The following RNF180 variants were observed in gnomAD, a reference collection of about 807,000 sequenced individuals.
RNF180 encodes E3 ubiquitin-protein ligase RNF180.
RNF180 carries 38 observed loss-of-function variants against 59.2 expected under a neutral mutation model. That is an observed-to-expected ratio of 0.64 (90% confidence interval 0.50 to 0.84). RNF180 has a LOEUF of 0.84. Among genes scored for constraint, RNF180 ranks in the 40% least tolerant of loss-of-function variants. The pLI is 0.00. For missense variants in RNF180, 705 were observed against 700.9 expected (o/e 1.01, Z -0.07); for synonymous variants, 262 against 240.3 (o/e 1.09, Z -0.84).
At chr5:64,339,945 T>C (rs1745293862) in intron 7 of RNF180, among the ~76,000 whole-genome samples, 1 of 152,172 alleles carries the variant, frequency 6.6e-6, no homozygotes, top group Non-Finnish European at 1.5e-5. Context: ...TCTAGATAAA[T>C]GTGAGCTATC....
chr5:64,304,680 G>C (rs1459404292), intron 5 of RNF180, among the ~76,000 whole-genome samples: 1 of 151,664 alleles, frequency 6.6e-6, no homozygotes, highest in African/African-American at 2.4e-5. Flanking sequence ...GTGGTGTCTT[G>C]AGATGGAATC....
intron 5 of RNF180, among the ~76,000 whole-genome samples, chr5:64,270,751 C>G (rs1008356510): frequency 6.6e-6 from 1 of 152,036 alleles, no homozygotes; most frequent in East Asian, 1.9e-4. Context: ...AGCTATTTGA[C>G]TATTTTGCTT....
chr5:64,363,034 C>CTGTA (rs1746318387), intron 7 of RNF180, among the ~76,000 whole-genome samples: 1 of 151,208 alleles, frequency 6.6e-6, no homozygotes, highest in Non-Finnish European at 1.5e-5. Context: ...GGTTGTCATT[C>CTGTA]TGTAGGTTGT....
chr5:64,296,564 G>A (rs888013252), intron 5 of RNF180, among the ~76,000 whole-genome samples: 5 of 151,962 alleles, frequency 3.3e-5, no homozygotes, highest in Admixed American at 2.0e-4. Context: ...TTTCTAGGGA[G>A]AGGATCTATA....
At chr5:64,259,920 TCAA>T (rs1057153674) in intron 5 of RNF180, among the ~76,000 whole-genome samples, 22 of 152,020 alleles carry the variant, frequency 1.4e-4, no homozygotes, top group African/African-American at 3.4e-4. Flanking sequence ...AAACTCCGTC[TCAA>T]CAACAACAAC....
intron 5 of RNF180, among the ~76,000 whole-genome samples, chr5:64,227,035 G>A (rs922326828): frequency 5.9e-5 from 9 of 152,182 alleles, no homozygotes; most frequent in Non-Finnish European, 5.9e-5. Flanking sequence ...TGAGACTGAC[G>A]AGACTTCACA....
chr5:64,221,156 A>G (rs1166535019), intron 5 of RNF180, among the ~76,000 whole-genome samples: 3 of 152,030 alleles, frequency 2.0e-5, no homozygotes, highest in African/African-American at 7.2e-5. Flanking sequence ...CACTCCAAAT[A>G]TATATTTGAT....
chr5:64,242,917 A>G (rs1238582930), intron 5 of RNF180, among the ~76,000 whole-genome samples: 1 of 152,156 alleles, frequency 6.6e-6, no homozygotes, highest in Non-Finnish European at 1.5e-5. Flanking sequence ...CTGGTTAGAG[A>G]GTGGGTGCAG....
chr5:64,370,013 C>A lies in RNF180; in HGVS notation c.*199C>A. ...TAAACTTTATTCAAGAGCTAACCTA[C>A]CCAGCACTTAGCAACAATGCACTAT... On this transcript the variant is annotated 3_prime_UTR_variant, in exon 8 of 8. Coordinates refer to ENST00000389100, the MANE Select transcript of RNF180 (RefSeq NM_001113561.2). 2.6e-6 allele frequency: 1 copy of A among 390,306 alleles called. No homozygotes were observed. The highest frequency in any genetic ancestry group is 4.5e-6 in the Non-Finnish European group (1 of 220,090). The allele number at this position is 390,306 out of a possible 1,614,324, so 24.2% of individuals were successfully genotyped here.
At chr5:64,285,989 G>A (rs554924884) in intron 5 of RNF180, among the ~76,000 whole-genome samples, 13 of 152,152 alleles carry the variant, frequency 8.5e-5, no homozygotes, top group South Asian at 4.2e-4. Context: ...CATAGCAAGC[G>A]TGGGCCACTC....
intron 5 of RNF180, among the ~76,000 whole-genome samples, chr5:64,277,389 T>G (rs1264436051): frequency 6.6e-6 from 1 of 152,138 alleles, no homozygotes; most frequent in Non-Finnish European, 1.5e-5. Context: ...CTGACTTATA[T>G]TCATGGTATG....
At chr5:64,358,042 C>T (rs1462792934) in intron 7 of RNF180, among the ~76,000 whole-genome samples, 1 of 151,796 alleles carries the variant, frequency 6.6e-6, no homozygotes, top group Non-Finnish European at 1.5e-5. Context: ...GATTCAACTT[C>T]CATTTTTATC....
chr5:64,213,408 T>C, intron 3 of RNF180, 150 bp from the exon 4 acceptor site: 1 of 651,174 alleles, frequency 1.5e-6, no homozygotes, highest in Admixed American at 2.7e-5. Flanking sequence ...CTTGTTTTAT[T>C]TGCTGTTCAG....
chr5:64,255,469 G>A (rs557655724), intron 5 of RNF180, among the ~76,000 whole-genome samples: 22 of 152,160 alleles, frequency 1.4e-4, no homozygotes, highest in East Asian at 3.9e-4. Flanking sequence ...TTGTCCTTGC[G>A]ATAGTTTGCT....
chr5:64,235,039 G>T (rs1451196249), intron 5 of RNF180, among the ~76,000 whole-genome samples: 1 of 152,192 alleles, frequency 6.6e-6, no homozygotes, highest in South Asian at 2.1e-4. Flanking sequence ...TACTTTGGGA[G>T]GCCAGGGCAG....
intron 1 of RNF180, among the ~76,000 whole-genome samples, 189 bp from the exon 2 acceptor site, chr5:64,200,619 T>C (rs1751693367): frequency 6.6e-6 from 1 of 152,208 alleles, no homozygotes; most frequent in African/African-American, 2.4e-5. Context: ...TCATAATTAA[T>C]TGGGATTTTC....
intron 5 of RNF180, among the ~76,000 whole-genome samples, chr5:64,255,033 T>A (rs1451772881): frequency 6.6e-6 from 1 of 150,890 alleles, no homozygotes; most frequent in South Asian, 2.1e-4. Context: ...AGATCACAAT[T>A]GTTTTGAACT....
At position 64,200,798 on chromosome 5, in the gene RNF180, G is replaced by A. The variant is rs1751702533; in HGVS notation, c.1-10G>A. 2 of 1,609,006 alleles carry A rather than the reference G, an allele frequency of 1.2e-6. No individual in the cohort carries two copies. Among genetic ancestry groups the A allele is most frequent in the Non-Finnish European group, 1.7e-6 (2 of 1,176,752 alleles). ...TTTAACATTCTAAAAATGCACTAAT[G>A]TTTCCGCAGATGAAAAGAAGCAAAG... On this transcript the variant is annotated splice_polypyrimidine_tract_variant and intron_variant, in intron 1 of 7. Coordinates refer to ENST00000389100, the MANE Select transcript of RNF180 (RefSeq NM_001113561.2).
At chr5:64,219,702 G>C (rs1278535619) in intron 5 of RNF180, among the ~76,000 whole-genome samples, 1 of 151,398 alleles carries the variant, frequency 6.6e-6, no homozygotes, top group African/African-American at 2.4e-5. Flanking sequence ...TGTATTTTTA[G>C]TAGAGATGGG....
Sources: gnomAD v4.1 joint callset for allele counts (sites outside exome capture counted in the v4.1 genomes callset) on GRCh38, gnomAD v4.1.1 for gene constraint, MANE v1.5 for transcripts, NCBI Gene and HGNC (gene_info 2026-07-23, HGNC 2026-07-21) for gene names.